PLXDC2: variants seen among roughly 807,000 people sequenced by gnomAD.
The protein encoded by PLXDC2 is plexin domain containing 2.
A neutral mutation model predicts 68.9 loss-of-function variants in PLXDC2; 40 were observed. The ratio of observed to expected loss-of-function variants is 0.58; its 90% CI spans 0.45 to 0.76. PLXDC2 has a LOEUF of 0.76. Ranked by LOEUF, PLXDC2 falls within the 30% of genes least tolerant of loss-of-function variation. The pLI is 0.00. For missense variants in PLXDC2, 644 were observed against 661.9 expected (o/e 0.97, Z 0.30); for synonymous variants, 243 against 234.2 (o/e 1.04, Z -0.34).
intron 1 of PLXDC2, among the ~76,000 whole-genome samples, chr10:19,830,360 C>T (rs1836664810): frequency 3.3e-5 from 5 of 152,194 alleles, no homozygotes; most frequent in Admixed American, 3.3e-4. Flanking sequence ...ACGTTTTAAT[C>T]CGTTCAGGTC....
rs533443961 is a variant in PLXDC2, at chr10:20,113,069, G to A, written c.542-30226G>A. ...GTTTAGCAGGTAGTCCCTCCCATCT[G>A]TAGGCTTTGCAATGGAGAATACTGA... On this transcript the variant is annotated intron_variant, in intron 4 of 13. Coordinates refer to ENST00000377252, the MANE Select transcript of PLXDC2 (RefSeq NM_032812.9). 8.1e-4 allele frequency among the ~76,000 whole-genome samples: 123 copies of A among 152,262 alleles called. 1 individual carries two copies. The highest frequency in any genetic ancestry group is 1.6e-3 in the Non-Finnish European group (107 of 68,038).
At chr10:20,220,978 G>A (rs1410723155) in intron 12 of PLXDC2, among the ~76,000 whole-genome samples, 1 of 151,606 alleles carries the variant, frequency 6.6e-6, no homozygotes, top group East Asian at 1.9e-4. Context: ...GAGCAGCTGG[G>A]ATTACAGGCA....
In PLXDC2 at chr10:20,219,170, G is replaced by A. The variant is rs1835179059; in HGVS notation, c.1312+68G>A. 5 of 1,498,794 alleles carry A rather than the reference G, an allele frequency of 3.3e-6. No homozygotes were observed. In the Admixed American group the frequency reaches 5.6e-5, roughly 17 times the overall value. The allele number at this position is 1,498,794 out of a possible 1,614,324, so 92.8% of individuals were successfully genotyped here. On this transcript the variant is annotated intron_variant, in intron 12 of 13. Coordinates refer to ENST00000377252, the MANE Select transcript of PLXDC2 (RefSeq NM_032812.9). ...GAATTCATTTCATTTATTTTACTATGAGAAAGGCAATACGGGCTTCTAGAT... is the reference window on the plus strand; with the variant it reads ...GAATTCATTTCATTTATTTTACTATAAGAAAGGCAATACGGGCTTCTAGAT...
intron 1 of PLXDC2, among the ~76,000 whole-genome samples, chr10:19,966,267 G>T (rs1834248291): frequency 6.8e-6 from 1 of 146,030 alleles, no homozygotes; most frequent in African/African-American, 2.5e-5. Flanking sequence ...GTATGTGTAA[G>T]TACACATATA....
chr10:20,267,422 G>A (rs1835885459), intron 13 of PLXDC2, among the ~76,000 whole-genome samples: 3 of 152,124 alleles, frequency 2.0e-5, no homozygotes, highest in South Asian at 2.1e-4. Context: ...GCAGCAGGAA[G>A]AAGATAGCAC....
chr10:20,039,213 G>A (rs528123680), intron 2 of PLXDC2, among the ~76,000 whole-genome samples: 4 of 152,196 alleles, frequency 2.6e-5, no homozygotes, highest in African/African-American at 4.8e-5. Flanking sequence ...GTTTACTGTC[G>A]ATATAAATGA....
intron 1 of PLXDC2, among the ~76,000 whole-genome samples, chr10:19,882,864 T>C (rs547292530): frequency 8.6e-4 from 131 of 152,184 alleles, no homozygotes; most frequent in African/African-American, 2.3e-3. Context: ...TAGTGGTTGC[T>C]TGTGCTTGAG....
chr10:19,985,305 A>G (rs72789660), intron 1 of PLXDC2, among the ~76,000 whole-genome samples: 8,111 of 152,254 alleles, frequency 0.053, 274 homozygotes, highest in Middle Eastern at 0.092. Context: ...CTACCTGTTG[A>G]AATATTAAAC....
intron 1 of PLXDC2, among the ~76,000 whole-genome samples, chr10:19,919,157 G>A (rs1833417974): frequency 6.6e-6 from 1 of 152,184 alleles, no homozygotes; most frequent in Non-Finnish European, 1.5e-5. Context: ...TCTGTAAATA[G>A]CGTCTGATTA....
intron 1 of PLXDC2, among the ~76,000 whole-genome samples, chr10:19,947,556 A>G (rs927757777): frequency 2.0e-5 from 3 of 152,186 alleles, no homozygotes; most frequent in African/African-American, 4.8e-5. Flanking sequence ...TGCTAATATT[A>G]TTAGATCCAC....
In PLXDC2 at chr10:19,909,135, G is replaced by A. The variant is rs543723456; in HGVS notation, c.112+91944G>A. 2.4e-4 allele frequency among the ~76,000 whole-genome samples: 36 copies of A among 152,208 alleles called. 1 individual carries two copies. In the South Asian group the frequency reaches 6.0e-3, roughly 25 times the overall value. ...TACTACTCAGAAACCAAGTTTCTAT[G>A]GGTAAGAACTGCAGCTGTGGACTTG... On this transcript the variant is annotated intron_variant, in intron 1 of 13. Transcript: ENST00000377252.
chr10:20,120,310 A>G (rs2131759352), intron 4 of PLXDC2, among the ~76,000 whole-genome samples: 1 of 152,306 alleles, frequency 6.6e-6, no homozygotes, highest in Middle Eastern at 3.4e-3. Context: ...TGAGAAGGGA[A>G]AGTGATAAAA....
intron 1 of PLXDC2, among the ~76,000 whole-genome samples, chr10:19,827,205 T>G (rs1836588566): frequency 6.6e-6 from 1 of 152,194 alleles, no homozygotes; most frequent in Non-Finnish European, 1.5e-5. Context: ...TAATCCACTT[T>G]GAAGATAAAG....
intron 4 of PLXDC2, among the ~76,000 whole-genome samples, chr10:20,089,169 CGTGT>C (rs34167804): frequency 0.063 from 8,953 of 142,550 alleles, 284 homozygotes; most frequent in Non-Finnish European, 0.076. Flanking sequence ...CCTGTATATA[CGTGT>C]GTGTGTGTGT....
Position 20,194,190 on chromosome 10 carries a change from C to CTGTGTGTGTGTGTGTGTGTG in PLXDC2, c.1061+16801_1061+16820dup, listed in dbSNP as rs58142621. Among the ~76,000 whole-genome samples the CTGTGTGTGTGTGTGTGTGTG allele has an allele frequency of 5.7e-4, 82 of 143,736 alleles. 2 individuals carry two copies. The highest frequency in any genetic ancestry group is 2.0e-3 in the East Asian group (9 of 4,458). The allele number at this position is 143,736 out of a possible 152,430, so 94.3% of individuals were successfully genotyped here. A position where few individuals can be genotyped will look rare whatever the true frequency, so the allele number is the denominator to read the frequency against. On this transcript the variant is annotated intron_variant, in intron 9 of 13. Transcript: ENST00000377252. ...ACTTTGAGAGACGAATTGAACTCAG[C>CTGTGTGTGTGTGTGTGTGTG]TGTGTGTGTGTGTGTGTGTGTGTGT... is the stretch of plus-strand genomic sequence containing the variant.
chr10:19,921,819 G>A (rs1390162694), intron 1 of PLXDC2, among the ~76,000 whole-genome samples: 1 of 152,080 alleles, frequency 6.6e-6, no homozygotes, highest in Non-Finnish European at 1.5e-5. Context: ...GGCCAGTTGG[G>A]ACAACTGTGT....
intron 13 of PLXDC2, among the ~76,000 whole-genome samples, chr10:20,263,838 T>G (rs144376995): frequency 4.6e-5 from 7 of 152,252 alleles, no homozygotes; most frequent in Middle Eastern, 3.4e-3. Flanking sequence ...GGTGAGCCAG[T>G]AGAATAAAGG....
intron 4 of PLXDC2, among the ~76,000 whole-genome samples, chr10:20,138,795 C>T (rs1217600500): frequency 6.6e-6 from 1 of 152,114 alleles, no homozygotes; most frequent in African/African-American, 2.4e-5. Context: ...CACCTGTAAT[C>T]CCAGCCACTC....
chr10:19,989,991 G>T (rs540790929), intron 1 of PLXDC2, among the ~76,000 whole-genome samples: 4 of 151,774 alleles, frequency 2.6e-5, no homozygotes, highest in African/African-American at 9.7e-5. Flanking sequence ...CTCCTGATCC[G>T]CCCGACTCAG....
Sources: allele counts gnomAD v4.1 joint callset (sites outside exome capture counted in the v4.1 genomes callset), GRCh38; gene constraint gnomAD v4.1.1; transcripts MANE v1.5; gene names NCBI Gene and HGNC (gene_info 2026-07-23, HGNC 2026-07-21).